Variants in OCRL observed in about 807,000 individuals in gnomAD.
OCRL encodes inositol polyphosphate 5-phosphatase OCRL.
OCRL carries 8 observed loss-of-function variants against 78.9 expected under a neutral mutation model. The observed-to-expected ratio is 0.10, with a 90% CI of 0.06 to 0.18. The LOEUF is 0.18. Ranked by LOEUF, OCRL falls within the 10% of genes least tolerant of loss-of-function variation. The probability of loss-of-function intolerance (pLI) is 1.00; values close to 1 mark genes in which losing one functional copy is unlikely to be tolerated. For synonymous variants in OCRL, 240 were observed against 235.4 expected, an observed-to-expected ratio of 1.02 and a Z score of -0.18; for missense variants, 454 against 696.7, an observed-to-expected ratio of 0.65 and a Z score of 3.92.
Position 129,562,760 on chromosome X carries a change from C to T in OCRL, c.1218C>T (p.Leu406=), listed in dbSNP as rs780309151. The T allele has an allele frequency of 8.3e-7, 1 of 1,211,340 alleles. No individual in the cohort carries two copies. The highest frequency in any genetic ancestry group is 1.1e-6 in the Non-Finnish European group (1 of 895,198). Residue 406 remains leucine (L), a synonymous_variant, in exon 12 of 24, where the codon CTC becomes CTT. Coordinates refer to ENST00000371113, the MANE Select transcript of OCRL (RefSeq NM_000276.4). ...GTTTTGTGGTCCCAAATCAGACCCT[C>T]CCGCAGTTGAACATCATGAAACATG... is the stretch of plus-strand genomic sequence containing the variant. The part of the protein sequence containing the change: ...RMSFVVPNQT[L]PQLNIMKHEV...
At chrX:129,579,664 C>T (rs1381233335) in intron 18 of OCRL, among the ~76,000 whole-genome samples, 1 of 111,669 alleles carries the variant, frequency 9.0e-6, no homozygotes, top group African/African-American at 3.3e-5. Context: ...GAAAATCTAC[C>T]ATTTGTAATC....
At position 129,591,427 on chromosome X, in the gene OCRL, C is replaced by T. The variant is rs1361363462; in HGVS notation, c.*1157C>T. ...ACTGGCCAACAGGACCAACCAAGCA[C>T]CTTACCTCTCCCATACAAGATGACC... On this transcript the variant is annotated 3_prime_UTR_variant, in exon 24 of 24. Coordinates refer to ENST00000371113, the MANE Select transcript of OCRL (RefSeq NM_000276.4). 8.9e-6 allele frequency: 1 copy of T among 111,963 alleles called. No homozygotes were observed. The highest frequency in any genetic ancestry group is 1.9e-5 in the Non-Finnish European group (1 of 53,160). The allele number at this position is 111,963 out of a possible 1,213,427, so 9.2% of individuals were successfully genotyped here. A position where few individuals can be genotyped will look rare whatever the true frequency, so the allele number is the denominator to read the frequency against.
chrX:129,589,059 T>C (rs1202218921), intron 22 of OCRL, 46 bp downstream of exon 22: 3 of 1,203,429 alleles, frequency 2.5e-6, no homozygotes, highest in Admixed American at 4.3e-5. Context: ...GATTGCCCCA[T>C]AGAGAAGTCG....
intron 2 of OCRL, 23 bp downstream of exon 2, chrX:129,540,846 C>T (rs1004259298): frequency 8.6e-7 from 1 of 1,159,081 alleles, no homozygotes; most frequent in South Asian, 1.8e-5. Flanking sequence ...CTGATTCCCA[C>T]AGAGGAGGGG....
At chrX:129,567,388 A>T in intron 14 of OCRL, 25 bp downstream of exon 14, 3 of 1,012,063 alleles carry the variant, frequency 3.0e-6, no homozygotes, top group Non-Finnish European at 4.2e-6. Flanking sequence ...ACCTTCTCAC[A>T]GAGAAGGTTA....
At chrX:129,566,675 A>C (rs1431863914) in intron 13 of OCRL, among the ~76,000 whole-genome samples, 1 of 112,270 alleles carries the variant, frequency 8.9e-6, no homozygotes, top group Non-Finnish European at 1.9e-5. Context: ...CATTCAGGTG[A>C]TTTGCAGCAG....
chrX:129,541,178 C>T (rs1458811821), intron 2 of OCRL, among the ~76,000 whole-genome samples: 1 of 112,440 alleles, frequency 8.9e-6, no homozygotes, highest in Non-Finnish European at 1.9e-5. Flanking sequence ...AACTGCCTTA[C>T]CTTACAGCCT....
chrX:129,564,751 T>C (rs1169773996), intron 12 of OCRL, among the ~76,000 whole-genome samples: 2 of 110,113 alleles, frequency 1.8e-5, no homozygotes, highest in Non-Finnish European at 3.8e-5. Flanking sequence ...GGGATAGCTT[T>C]AGGAGATATA....
chrX:129,578,704 C>T lies in OCRL; in HGVS notation c.2115+2152C>T, dbSNP rs146475227. On this transcript the variant is annotated intron_variant, in intron 18 of 23. Coordinates refer to ENST00000371113, the MANE Select transcript of OCRL (RefSeq NM_000276.4). The stretch of plus-strand genomic sequence containing the variant: ...ATCAGGTAATTTTACCATGTTTGCC[C>T]ATGAACAGAAAGGAACCAAAATCAT... 3.4e-4 allele frequency among the ~76,000 whole-genome samples: 38 copies of T among 110,982 alleles called. No individual in the cohort carries two copies. In the East Asian group the frequency reaches 9.0e-3, roughly 26 times the overall value.
intron 2 of OCRL, among the ~76,000 whole-genome samples, chrX:129,541,968 A>G (rs1313005936): frequency 2.7e-5 from 3 of 112,350 alleles, no homozygotes; most frequent in Non-Finnish European, 5.6e-5. Context: ...ACCCTGGAAG[A>G]CTAGTTTAAT....
At position 129,590,289 on chromosome X, in the gene OCRL, A is replaced by G. The variant is rs373689273; in HGVS notation, c.*19A>G. 4 of 1,207,927 alleles carry G rather than the reference A, an allele frequency of 3.3e-6. No homozygotes were observed. In the African/African-American group the frequency reaches 7.0e-5, roughly 21 times the overall value. On this transcript the variant is annotated 3_prime_UTR_variant, in exon 24 of 24. Transcript: ENST00000371113. ...AGACTAAGGCTTTTACTGTTCTCTG[A>G]TATTCTAGAAGCAGACGATCTCGGG...
At position 129,572,412 on chromosome X, in the gene OCRL, C is replaced by T. The variant is rs1936313668; in HGVS notation, c.1603-2728C>T. On this transcript the variant is annotated intron_variant, in intron 15 of 23. Transcript: ENST00000371113. ...GTTGTGAAATTCTTTGGGGTTCCCC[C>T]CCTCCTCATTATCTTTGATTTGCCA... Among the ~76,000 whole-genome samples, 3 of 112,852 alleles carry T rather than the reference C, an allele frequency of 2.7e-5. No individual in the cohort carries two copies. In the South Asian group the frequency reaches 1.1e-3, roughly 41 times the overall value.
intron 15 of OCRL, among the ~76,000 whole-genome samples, chrX:129,572,202 T>A (rs1479484745): frequency 8.9e-6 from 1 of 112,762 alleles, no homozygotes; most frequent in African/African-American, 3.2e-5. Flanking sequence ...TACTGATTTG[T>A]GTGTGTCTCT....
At chrX:129,558,033 A>G (rs1464925444) in intron 6 of OCRL, 83 bp downstream of exon 6, 1 of 614,618 alleles carries the variant, frequency 1.6e-6, no homozygotes, top group African/African-American at 2.2e-5. Context: ...GGTGATGTAG[A>G]TTAAAGCTGA....
intron 12 of OCRL, among the ~76,000 whole-genome samples, chrX:129,565,493 C>T (rs1306092634): frequency 2.7e-5 from 3 of 112,139 alleles, no homozygotes; most frequent in African/African-American, 3.2e-5. Context: ...GCATGCTTCT[C>T]AGTCCATTAA....
At chrX:129,545,935 A>G (rs892798452) in intron 3 of OCRL, among the ~76,000 whole-genome samples, 1 of 111,051 alleles carries the variant, frequency 9.0e-6, no homozygotes, top group Non-Finnish European at 1.9e-5. Flanking sequence ...GCTGGTCTCA[A>G]ACTCCTGAGT....
At chrX:129,567,835 A>G (rs1305014366) in intron 14 of OCRL, among the ~76,000 whole-genome samples, 1 of 111,687 alleles carries the variant, frequency 9.0e-6, no homozygotes, top group Non-Finnish European at 1.9e-5. Flanking sequence ...AACTTCAAAA[A>G]ATACTGATGC....
intron 18 of OCRL, among the ~76,000 whole-genome samples, chrX:129,581,015 C>T (rs1936431980): frequency 9.0e-6 from 1 of 111,697 alleles, no homozygotes; most frequent in Non-Finnish European, 1.9e-5. Flanking sequence ...CAGGCGCGCG[C>T]CACCACGCCT....
intron 22 of OCRL, 39 bp from the exon 23 acceptor site, chrX:129,589,806 C>T: frequency 1.0e-6 from 1 of 958,940 alleles, no homozygotes. Context: ...TCATCTTCCA[C>T]CTGTTTTTCT....
Sources: allele counts gnomAD v4.1 joint callset (sites outside exome capture counted in the v4.1 genomes callset), GRCh38; gene constraint gnomAD v4.1.1; transcripts MANE v1.5; gene names NCBI Gene and HGNC (gene_info 2026-07-23, HGNC 2026-07-21).